CFDP1: variants seen among roughly 807,000 people sequenced by gnomAD.
The protein encoded by CFDP1 is heterochromatin-stabilizing protein CFDP1.
Under a neutral mutation model 40.1 loss-of-function variants are expected in CFDP1, and 31 were observed. The observed-to-expected ratio is 0.77, with a 90% CI of 0.58 to 1.04. CFDP1 has a LOEUF of 1.04. CFDP1 is among the 50% of genes least tolerant of loss of function. CFDP1 has a pLI of 0.00. For synonymous variants in CFDP1, 167 were observed against 120.0 expected (o/e 1.39, Z -2.56); for missense variants, 423 against 343.4 (o/e 1.23, Z -1.83).
At position 75,411,877 on chromosome 16, in the gene CFDP1, T is replaced by C. The variant is rs1382290866; in HGVS notation, c.478A>G (p.Thr160Ala). The change falls in exon 4 of 7, where the codon ACA (threonine) becomes GCA (alanine). Residue 160 changes from threonine to alanine, a missense_variant. Thr to Ala is a moderately conservative substitution (Grantham distance 58, BLOSUM62 0). Transcript: ENST00000283882. ...KAEELEKPKE[T>A]EKVKITKVFD... ...ACCTTGGTGATTTTAACTTTTTCTG[T>C]TTCTTTAGGTTTCTCTAGCTCTTCT... 1 of 1,612,900 alleles carries C rather than the reference T, an allele frequency of 6.2e-7. No homozygotes were observed. Among genetic ancestry groups the C allele is most frequent in the Admixed American group, 1.7e-5 (1 of 59,886 alleles).
intron 5 of CFDP1, among the ~76,000 whole-genome samples, chr16:75,370,096 AC>A (rs1474216667): frequency 1.4e-5 from 2 of 143,708 alleles, no homozygotes; most frequent in Admixed American, 1.4e-4. Context: ...ATTATTTATT[AC>A]TTTTTTTTTT....
intron 6 of CFDP1, among the ~76,000 whole-genome samples, chr16:75,297,194 GTT>G (rs924873137): frequency 6.2e-5 from 9 of 146,224 alleles, no homozygotes; most frequent in South Asian, 2.2e-4. Flanking sequence ...GTGTGTGTGT[GTT>G]TTTAGTAGAG....
intron 5 of CFDP1, among the ~76,000 whole-genome samples, chr16:75,318,698 C>G (rs1000304738): frequency 2.6e-5 from 4 of 152,108 alleles, no homozygotes; most frequent in Admixed American, 6.5e-5. Context: ...GCCACTGCGC[C>G]CGGCCGGCAT....
At chr16:75,431,014 C>T (rs1487837670) in intron 1 of CFDP1, among the ~76,000 whole-genome samples, 1 of 152,122 alleles carries the variant, frequency 6.6e-6, no homozygotes, top group Non-Finnish European at 1.5e-5. Flanking sequence ...TTTTGGTTTA[C>T]AGCAGTTAAG....
intron 5 of CFDP1, among the ~76,000 whole-genome samples, chr16:75,364,579 TGAA>T (rs1567658013): frequency 6.6e-6 from 1 of 152,230 alleles, no homozygotes; most frequent in Non-Finnish European, 1.5e-5. Flanking sequence ...ATGGAATGTG[TGAA>T]GAAGATGCAG....
chr16:75,409,868 CAGA>C (rs915447132), intron 4 of CFDP1, among the ~76,000 whole-genome samples: 7 of 151,954 alleles, frequency 4.6e-5, no homozygotes, highest in South Asian at 2.1e-4. Context: ...TGACATTTTT[CAGA>C]AGAAGAAGTT....
chr16:75,294,889 C>T (rs982216416), intron 6 of CFDP1, among the ~76,000 whole-genome samples: 2 of 152,192 alleles, frequency 1.3e-5, no homozygotes, highest in Non-Finnish European at 2.9e-5. Context: ...GGCTGAAGCA[C>T]AGGCGCGCTT....
At chr16:75,373,507 T>C (rs912912151) in intron 5 of CFDP1, among the ~76,000 whole-genome samples, 24 of 152,232 alleles carry the variant, frequency 1.6e-4, no homozygotes, top group African/African-American at 5.8e-4. Flanking sequence ...GCTGGATTCT[T>C]TTTCTCTGTG....
intron 5 of CFDP1, among the ~76,000 whole-genome samples, chr16:75,346,576 C>G (rs2078566355): frequency 1.7e-5 from 1 of 58,870 alleles, no homozygotes; most frequent in African/African-American, 6.8e-5. Context: ...GAGCAAGACT[C>G]TGTCTCAAAA....
chr16:75,357,701 GT>G (rs1371976543), intron 5 of CFDP1, among the ~76,000 whole-genome samples: 2 of 152,198 alleles, frequency 1.3e-5, no homozygotes, highest in Non-Finnish European at 2.9e-5. Flanking sequence ...GGAATGTTGT[GT>G]GGTTGGTTTG....
At chr16:75,432,290 C>G (rs1283798895) in intron 1 of CFDP1, among the ~76,000 whole-genome samples, 6 of 144,214 alleles carry the variant, frequency 4.2e-5, no homozygotes, top group Admixed American at 1.4e-4. Flanking sequence ...AATCCCAGCA[C>G]TTTGGGTGGC....
At chr16:75,426,636 A>C (rs1326556537) in intron 1 of CFDP1, among the ~76,000 whole-genome samples, 1 of 152,132 alleles carries the variant, frequency 6.6e-6, no homozygotes, top group Non-Finnish European at 1.5e-5. Flanking sequence ...AAATCGTGCC[A>C]CTGCATTCCA....
chr16:75,428,580 G>A (rs1356326333), intron 1 of CFDP1, among the ~76,000 whole-genome samples: 3 of 151,724 alleles, frequency 2.0e-5, no homozygotes, highest in African/African-American at 7.3e-5. Context: ...TTGCGCCACT[G>A]CACTCCAGCC....
At chr16:75,300,038 G>C (rs2078211397) in intron 6 of CFDP1, among the ~76,000 whole-genome samples, 1 of 152,072 alleles carries the variant, frequency 6.6e-6, no homozygotes, top group Non-Finnish European at 1.5e-5. Context: ...GATTTGAAGG[G>C]TTACCCGGGG....
At chr16:75,433,178 G>T in intron 1 of CFDP1, 111 bp downstream of exon 1, 1 of 954,012 alleles carries the variant, frequency 1.0e-6, no homozygotes, top group Non-Finnish European at 1.6e-6. Flanking sequence ...GAGAACAGGA[G>T]CCCCCCTGGA....
intron 4 of CFDP1, among the ~76,000 whole-genome samples, chr16:75,399,108 G>A (rs1050057762): frequency 6.7e-6 from 1 of 149,448 alleles, no homozygotes; most frequent in African/African-American, 2.5e-5. Context: ...TCCACACTTA[G>A]CCACTGTCTG....
intron 1 of CFDP1, among the ~76,000 whole-genome samples, chr16:75,429,843 T>A (rs1597413361): frequency 6.6e-6 from 1 of 152,188 alleles, no homozygotes; most frequent in African/African-American, 2.4e-5. Flanking sequence ...GTCAAACTCT[T>A]GTCAAGTATT....
intron 5 of CFDP1, among the ~76,000 whole-genome samples, chr16:75,392,994 G>A (rs1313504560): frequency 1.3e-5 from 2 of 152,218 alleles, no homozygotes; most frequent in African/African-American, 4.8e-5. Context: ...TGTAACAGAT[G>A]AGGAAGTAGC....
intron 1 of CFDP1, among the ~76,000 whole-genome samples, chr16:75,432,476 A>C (rs11639783): frequency 0.32 from 48,084 of 151,372 alleles, 9,029 homozygotes; most frequent in East Asian, 0.51. Context: ...GCTTGAGCCC[A>C]GGAGTCTGAG....
Sources: allele counts gnomAD v4.1 joint callset (sites outside exome capture counted in the v4.1 genomes callset), GRCh38; gene constraint gnomAD v4.1.1; transcripts MANE v1.5; gene names NCBI Gene and HGNC (gene_info 2026-07-23, HGNC 2026-07-21).